CUL3: variants seen among roughly 807,000 people sequenced by gnomAD.
CUL3 encodes the protein cullin 3, also known as cullin-3.
CUL3 carries 19 observed loss-of-function variants against 89.1 expected under a neutral mutation model. The ratio of observed to expected loss-of-function variants is 0.21; its 90% confidence interval spans 0.15 to 0.31. The LOEUF (loss-of-function observed/expected upper bound fraction) is 0.31, where lower values mean the gene tolerates loss of function less well. Among genes scored for constraint, CUL3 ranks in the 10% least tolerant of loss-of-function variants. The pLI is 1.00. For synonymous variants in CUL3, 351 were observed against 308.4 expected (o/e 1.14, Z -1.45); for missense variants, 469 against 942.3 (o/e 0.50, Z 6.58).
chr2:224,475,306 C>T (rs886523968), intron 15 of CUL3, among the ~76,000 whole-genome samples: 1 of 152,210 alleles, frequency 6.6e-6, no homozygotes, highest in Non-Finnish European at 1.5e-5. Context: ...CGTGAGCCAC[C>T]GTGCCCGGCC....
At chr2:224,562,019 G>C (rs1694918186) in intron 1 of CUL3, among the ~76,000 whole-genome samples, 1 of 152,108 alleles carries the variant, frequency 6.6e-6, no homozygotes, top group Non-Finnish European at 1.5e-5. Flanking sequence ...CATCTTTACA[G>C]GCTCTATAAC....
intron 1 of CUL3, among the ~76,000 whole-genome samples, chr2:224,570,609 G>C (rs1370700846): frequency 4.6e-5 from 7 of 152,010 alleles, no homozygotes; most frequent in African/African-American, 1.7e-4. Flanking sequence ...AGATGGGAGT[G>C]GGGGAGTGCT....
intron 2 of CUL3, among the ~76,000 whole-genome samples, chr2:224,551,509 T>A (rs1332468305): frequency 1.7e-4 from 25 of 151,112 alleles, no homozygotes; most frequent in African/African-American, 5.8e-4. Flanking sequence ...CTGGTCAATT[T>A]TTTTTTTTTT....
At chr2:224,501,343 T>C (rs1313244137) in intron 10 of CUL3, among the ~76,000 whole-genome samples, 3 of 152,238 alleles carry the variant, frequency 2.0e-5, no homozygotes, top group African/African-American at 7.2e-5. Context: ...GCAGGTGCTC[T>C]ACAAATATCT....
At position 224,473,497 on chromosome 2, in the gene CUL3, C is replaced by CA. The variant is rs1383446913; in HGVS notation, c.*747dup. 5.5e-6 allele frequency: 1 copy of CA among 182,408 alleles called. No individual in the cohort carries two copies. Among genetic ancestry groups the CA allele is most frequent in the Non-Finnish European group, 1.2e-5 (1 of 85,576 alleles). The allele number at this position is 182,408 out of a possible 1,614,324, so 11.3% of individuals were successfully genotyped here. On this transcript the variant is annotated 3_prime_UTR_variant, in exon 16 of 16. Transcript: ENST00000264414. ...CCACTATTAGCAGTGAGTACAACAG[C>CA]AAAAAAATTATTGTACAATTTACAC...
intron 1 of CUL3, among the ~76,000 whole-genome samples, chr2:224,570,551 A>G (rs1695160287): frequency 6.6e-6 from 1 of 152,218 alleles, no homozygotes; most frequent in Non-Finnish European, 1.5e-5. Context: ...CTGAATGTAA[A>G]AACTACTGAT....
intron 14 of CUL3, among the ~76,000 whole-genome samples, chr2:224,480,687 G>A (rs1691507961): frequency 6.6e-6 from 1 of 152,156 alleles, no homozygotes; most frequent in Non-Finnish European, 1.5e-5. Context: ...GTGAGGGTAA[G>A]GCAATCCAGA....
chr2:224,547,251 C>G (rs1267783932), intron 2 of CUL3, among the ~76,000 whole-genome samples: 3 of 152,168 alleles, frequency 2.0e-5, no homozygotes, highest in Admixed American at 2.0e-4. Flanking sequence ...TTTTCAAAAT[C>G]TAGCCCAACC....
intron 14 of CUL3, chr2:224,479,325 T>A (rs1411734488): frequency 6.6e-6 from 1 of 152,026 alleles, no homozygotes; most frequent in Non-Finnish European, 1.5e-5. Flanking sequence ...TCGGTGTCAT[T>A]TCCCAAGTGT....
chr2:224,495,979 T>A lies in CUL3; in HGVS notation c.1708-13A>T, dbSNP rs544483610. The A allele has an allele frequency of 1.7e-5, 27 of 1,607,384 alleles. No homozygotes were observed. In the African/African-American group the frequency reaches 1.9e-4, roughly 11 times the overall value. On this transcript the variant is annotated splice_polypyrimidine_tract_variant and intron_variant, in intron 12 of 15. Coordinates refer to ENST00000264414, the MANE Select transcript of CUL3 (RefSeq NM_003590.5). The stretch of plus-strand genomic sequence containing the variant: ...CAGATCCATCTTCCTGTTTCATTTT[T>A]AAAAAAATATAAACAAAGACACAAT...
rs1691220275 is a variant in CUL3 at position 224,473,921 on chromosome 2, A to G, written c.*324T>C. On this transcript the variant is annotated 3_prime_UTR_variant, in exon 16 of 16. Transcript: ENST00000264414. Reference sequence around the variant, plus strand: ...AGACCTGGGGAAATGAAATCCAACAATTTTATTGTAATGAGCTGTATTTTC... The same window carrying G: ...AGACCTGGGGAAATGAAATCCAACAGTTTTATTGTAATGAGCTGTATTTTC... 1.7e-5 allele frequency: 4 copies of G among 235,432 alleles called. No individual in the cohort carries two copies. The South Asian group carries it at 4.9e-4, about 29-fold the overall frequency. 14.6% of individuals were successfully genotyped at this position (235,432 alleles called of 1,614,324 possible).
chr2:224,506,540 A>G (rs1394392788), intron 7 of CUL3, among the ~76,000 whole-genome samples: 1 of 152,174 alleles, frequency 6.6e-6, no homozygotes, highest in African/African-American at 2.4e-5. Flanking sequence ...AAATACTTAA[A>G]CCAGTTGTTT....
chr2:224,553,190 T>C (rs1234428591), intron 2 of CUL3, among the ~76,000 whole-genome samples: 2 of 152,212 alleles, frequency 1.3e-5, no homozygotes, highest in African/African-American at 2.4e-5. Flanking sequence ...ACTGTGTTTA[T>C]ATGATTATTA....
intron 3 of CUL3, among the ~76,000 whole-genome samples, chr2:224,516,098 C>G (rs1302609564): frequency 1.3e-5 from 2 of 152,138 alleles, no homozygotes; most frequent in Non-Finnish European, 2.9e-5. Context: ...CACCTAATAA[C>G]AAGGAAAGCT....
chr2:224,546,850 T>C (rs910165294), intron 2 of CUL3, among the ~76,000 whole-genome samples: 2 of 152,116 alleles, frequency 1.3e-5, no homozygotes, highest in African/African-American at 4.8e-5. Context: ...TATCCCACGG[T>C]TGCTGTTTTC....
At chr2:224,488,627 A>G (rs1559341523) in intron 13 of CUL3, among the ~76,000 whole-genome samples, 1 of 152,088 alleles carries the variant, frequency 6.6e-6, no homozygotes, top group African/African-American at 2.4e-5. Context: ...GTAATAGCCT[A>G]CCAACCCAAA....
intron 12 of CUL3, 71 bp from the exon 13 acceptor site, chr2:224,496,037 G>C (rs1222574421): frequency 6.9e-7 from 1 of 1,444,808 alleles, no homozygotes; most frequent in African/African-American, 1.4e-5. Flanking sequence ...ATGTATGTAC[G>C]TACATATGTA....
intron 11 of CUL3, among the ~76,000 whole-genome samples, chr2:224,498,686 T>G (rs1166801317): frequency 4.6e-5 from 7 of 152,154 alleles, no homozygotes; most frequent in Admixed American, 1.3e-4. Flanking sequence ...ACTGATTCAC[T>G]ATTACAATAA....
intron 1 of CUL3, among the ~76,000 whole-genome samples, chr2:224,570,757 C>G (rs1207774140): frequency 6.6e-6 from 1 of 152,108 alleles, no homozygotes; most frequent in Non-Finnish European, 1.5e-5. Context: ...CATTACAGAA[C>G]AGTAACATTC....
Sources: gnomAD v4.1 joint callset for allele counts (sites outside exome capture counted in the v4.1 genomes callset) on GRCh38, gnomAD v4.1.1 for gene constraint, MANE v1.5 for transcripts, NCBI Gene and HGNC (gene_info 2026-07-23, HGNC 2026-07-21) for gene names.